Variants in TMOD1 observed in about 807,000 individuals in gnomAD.
TMOD1 encodes tropomodulin 1.
A neutral mutation model predicts 40.6 loss-of-function variants in TMOD1; 17 were observed. The ratio of observed to expected loss-of-function variants is 0.42; its 90% CI spans 0.29 to 0.63. TMOD1 has a LOEUF of 0.63. TMOD1 is among the 20% of genes least tolerant of loss of function. The pLI is 0.22. For missense variants in TMOD1, 391 were observed against 447.6 expected, an observed-to-expected ratio of 0.87 and a Z score of 1.14; for synonymous variants, 181 against 175.0, an observed-to-expected ratio of 1.03 and a Z score of -0.27.
intron 8 of TMOD1, among the ~76,000 whole-genome samples, chr9:97,580,299 T>A (rs1340626246): frequency 6.6e-6 from 1 of 152,182 alleles, no homozygotes; most frequent in African/African-American, 2.4e-5. Flanking sequence ...CAGACTAGTA[T>A]GCAGTTGTAA....
intron 1 of TMOD1, among the ~76,000 whole-genome samples, chr9:97,509,076 G>A (rs961188029): frequency 1.3e-5 from 2 of 152,174 alleles, no homozygotes; most frequent in African/African-American, 4.8e-5. Flanking sequence ...CAGATTCCCC[G>A]TCAAAGCCTC....
intron 1 of TMOD1, among the ~76,000 whole-genome samples, chr9:97,508,197 T>C (rs867188641): frequency 1.4e-5 from 2 of 147,264 alleles, no homozygotes; most frequent in South Asian, 4.3e-4. Context: ...TCTTTCTTTC[T>C]TTTTTTTTTG....
chr9:97,591,138 C>G (rs1296451305), intron 8 of TMOD1, among the ~76,000 whole-genome samples, 153 bp from the exon 9 acceptor site: 3 of 152,190 alleles, frequency 2.0e-5, no homozygotes, highest in Non-Finnish European at 4.4e-5. Flanking sequence ...GACCTTTCAA[C>G]TTCTCTAAAC....
chr9:97,561,261 C>G (rs1830636762), intron 4 of TMOD1, among the ~76,000 whole-genome samples: 1 of 152,162 alleles, frequency 6.6e-6, no homozygotes, highest in Non-Finnish European at 1.5e-5. Context: ...GAAAAGACAC[C>G]CGAACTCCTT....
chr9:97,520,571 T>C (rs777697930), intron 1 of TMOD1, among the ~76,000 whole-genome samples: 19 of 152,194 alleles, frequency 1.2e-4, no homozygotes, highest in East Asian at 3.9e-4. Flanking sequence ...TAGTTTACCT[T>C]AGAGTTTTTG....
chr9:97,563,409 G>A (rs946862246), intron 5 of TMOD1, among the ~76,000 whole-genome samples: 1 of 152,186 alleles, frequency 6.6e-6, no homozygotes, highest in Non-Finnish European at 1.5e-5. Flanking sequence ...TGTGGGATGA[G>A]ACCAAACTTT....
At chr9:97,573,591 G>C (rs1390467339) in intron 8 of TMOD1, among the ~76,000 whole-genome samples, 3 of 152,164 alleles carry the variant, frequency 2.0e-5, no homozygotes, top group Non-Finnish European at 2.9e-5. Flanking sequence ...CCATTTCTGA[G>C]GGCCAGGAAT....
Position 97,601,153 on chromosome 9 carries a change from A to C in TMOD1, c.*1455A>C. The C allele has an allele frequency of 7.7e-7, 1 of 1,302,778 alleles. No individual in the cohort carries two copies. The highest frequency in any genetic ancestry group is 1.0e-6 in the Non-Finnish European group (1 of 988,350). 80.7% of individuals were successfully genotyped at this position (1,302,778 alleles called of 1,614,324 possible). ...TGGCCCAGGAGTGGCACCATGTTGC[A>C]GGGACAACCATCCCCATTTGGCTTC... On this transcript the variant is annotated 3_prime_UTR_variant, in exon 10 of 10. Transcript: ENST00000259365.
chr9:97,525,376 C>A (rs1829997799), intron 2 of TMOD1, among the ~76,000 whole-genome samples: 1 of 152,180 alleles, frequency 6.6e-6, no homozygotes, highest in Non-Finnish European at 1.5e-5. Context: ...CACACACACA[C>A]AATACAAGTG....
At chr9:97,551,014 A>ATTTTT (rs55700746) in intron 3 of TMOD1, among the ~76,000 whole-genome samples, 13 of 104,250 alleles carry the variant, frequency 1.2e-4, no homozygotes, top group Non-Finnish European at 1.8e-4. Context: ...ATATATATAT[A>ATTTTT]TTTTTTTTTT....
At chr9:97,535,967 G>A (rs74623012) in intron 2 of TMOD1, among the ~76,000 whole-genome samples, 1 of 152,128 alleles carries the variant, frequency 6.6e-6, no homozygotes, top group East Asian at 1.9e-4. Flanking sequence ...GTGTCTGGAG[G>A]GGGTGGGGCT....
At position 97,578,348 on chromosome 9, in the gene TMOD1, C is replaced by T. The variant is rs557227954; in HGVS notation, c.870+9311C>T. On this transcript the variant is annotated intron_variant, in intron 8 of 9. Coordinates refer to ENST00000259365, the MANE Select transcript of TMOD1 (RefSeq NM_003275.4). ...GATTACAGGCGTGAGCCACCGTGCC[C>T]GGCCGAAGCTTCTTTGACATCTTAA... Among the ~76,000 whole-genome samples, 11 of 152,272 alleles carry T rather than the reference C, an allele frequency of 7.2e-5. No individual in the cohort carries two copies. The South Asian group carries it at 1.0e-3, about 14-fold the overall frequency.
At chr9:97,538,842 A>C (rs1366397393) in intron 2 of TMOD1, among the ~76,000 whole-genome samples, 1 of 146,288 alleles carries the variant, frequency 6.8e-6, no homozygotes, top group Non-Finnish European at 1.5e-5. Context: ...TAAAAATACA[A>C]AAAAAAAAAA....
At position 97,524,236 on chromosome 9, in the gene TMOD1, T is replaced by C. The variant is rs1829962641; in HGVS notation, c.48T>C (p.Asp16=). Reference sequence around the variant, plus strand: ...AGAAATACCGTGACCTGGATGAAGATGAAATCCTTGGAGCCCTAACAGAGG... The same window carrying C: ...AGAAATACCGTGACCTGGATGAAGACGAAATCCTTGGAGCCCTAACAGAGG... The part of the protein sequence containing the change: ...ELEKYRDLDE[D]EILGALTEEE... Residue 16 remains aspartate (D), a synonymous_variant, in exon 2 of 10, where the codon GAT becomes GAC. Coordinates refer to ENST00000259365, the MANE Select transcript of TMOD1 (RefSeq NM_003275.4). The C allele has an allele frequency of 6.2e-7, 1 of 1,614,048 alleles. No individual in the cohort carries two copies. Among genetic ancestry groups the C allele is most frequent in the African/African-American group, 1.3e-5 (1 of 74,926 alleles).
rs1020644690 is a variant in TMOD1, at chr9:97,522,261, C to G, written c.-48-1880C>G. ...TGGGGCTGCCTTCTGGTGGCTTGCT[C>G]TCAATCTTTGGCATTCCTTGGCTTG... On this transcript the variant is annotated intron_variant, in intron 1 of 9. Coordinates refer to ENST00000259365, the MANE Select transcript of TMOD1 (RefSeq NM_003275.4). 5.3e-5 allele frequency among the ~76,000 whole-genome samples: 8 copies of G among 152,192 alleles called. No individual in the cohort carries two copies. In the South Asian group the frequency reaches 1.7e-3, roughly 32 times the overall value.
intron 3 of TMOD1, 82 bp downstream of exon 3, chr9:97,546,423 C>T: frequency 6.9e-7 from 1 of 1,447,704 alleles, no homozygotes. Context: ...CTGCCAGGCC[C>T]TGTGTTGGGC....
rs778351599 is a variant in TMOD1, at chr9:97,599,645, A to C, written c.1027A>C (p.Arg343=). 1.6e-5 allele frequency: 26 copies of C among 1,614,048 alleles called. No homozygotes were observed. Among genetic ancestry groups the C allele is most frequent in the East Asian group, 2.2e-5 (1 of 44,902 alleles). The change falls in exon 10 of 10, where the codon AGG becomes CGG. Residue 343 remains arginine, a synonymous_variant. Transcript: ENST00000259365. ...CCATTCCTTTCCAGTGAGGAAGAGG[A>C]GGCTTGCGGACCTGACTGGGCCCAT... ...MNNNDLVRKR[R]LADLTGPIIP...
At chr9:97,566,006 A>G (rs1260869994) in intron 7 of TMOD1, 51 bp downstream of exon 7, 4 of 1,523,026 alleles carry the variant, frequency 2.6e-6, no homozygotes, top group Admixed American at 1.7e-5. Context: ...TTGAAACAGA[A>G]GGGTTGAAAT....
chr9:97,580,299 T>TGCAGTTGTAA (rs1292139006), intron 8 of TMOD1, among the ~76,000 whole-genome samples: 9 of 152,182 alleles, frequency 5.9e-5, no homozygotes, highest in African/African-American at 2.2e-4. Context: ...CAGACTAGTA[T>TGCAGTTGTAA]GCAGTTGTAA....
Sources: allele counts gnomAD v4.1 joint callset (sites outside exome capture counted in the v4.1 genomes callset), GRCh38; gene constraint gnomAD v4.1.1; transcripts MANE v1.5; gene names NCBI Gene and HGNC (gene_info 2026-07-23, HGNC 2026-07-21).